CNTN5: variants seen among roughly 807,000 people sequenced by gnomAD.
CNTN5 encodes contactin-5.
In CNTN5, 77 loss-of-function variants were observed where a neutral mutation model predicts 129.1. The observed-to-expected ratio is 0.60, with a 90% CI of 0.50 to 0.72. The LOEUF is 0.72. Among genes scored for constraint, CNTN5 ranks in the 30% least tolerant of loss-of-function variants. CNTN5 has a pLI of 0.00. For synonymous variants in CNTN5, 509 were observed against 465.6 expected (o/e 1.09, Z -1.20); for missense variants, 1,478 against 1,328.8 (o/e 1.11, Z -1.75).
chr11:99,092,934 T>G (rs187718800), intron 1 of CNTN5, among the ~76,000 whole-genome samples: 11 of 152,198 alleles, frequency 7.2e-5, no homozygotes, highest in Admixed American at 2.6e-4. Context: ...ATTAACTGTT[T>G]AAGAAACTAA....
At chr11:99,752,457 C>T (rs931289696) in intron 3 of CNTN5, among the ~76,000 whole-genome samples, 1 of 150,180 alleles carries the variant, frequency 6.7e-6, no homozygotes, top group South Asian at 2.1e-4. Context: ...TCCAGTGTGA[C>T]TTAAAAAATG....
intron 2 of CNTN5, among the ~76,000 whole-genome samples, chr11:99,450,274 ATATATATATATGTT>A (rs1430755473): frequency 4.7e-5 from 7 of 150,030 alleles, no homozygotes; most frequent in Non-Finnish European, 1.0e-4. Context: ...ATATATATAT[ATATATATATATGTT>A]TGTGTATGTA....
At chr11:100,022,594 A>G (rs1487907120) in intron 9 of CNTN5, among the ~76,000 whole-genome samples, 1 of 152,148 alleles carries the variant, frequency 6.6e-6, no homozygotes, top group Non-Finnish European at 1.5e-5. Context: ...ATTAATTTAT[A>G]TTTGTCCATG....
At chr11:99,429,817 T>C (rs1295652820) in intron 2 of CNTN5, among the ~76,000 whole-genome samples, 2 of 152,106 alleles carry the variant, frequency 1.3e-5, no homozygotes, top group Non-Finnish European at 1.5e-5. Flanking sequence ...TACCCTTTCT[T>C]ATTTTAAACA....
At chr11:99,945,026 A>T (rs1393859655) in intron 7 of CNTN5, among the ~76,000 whole-genome samples, 1 of 152,104 alleles carries the variant, frequency 6.6e-6, no homozygotes, top group African/African-American at 2.4e-5. Flanking sequence ...GAATCGCCCA[A>T]TGTAAAATGA....
intron 8 of CNTN5, among the ~76,000 whole-genome samples, chr11:99,984,644 A>G (rs1938559491): frequency 6.6e-6 from 1 of 152,152 alleles, no homozygotes; most frequent in Non-Finnish European, 1.5e-5. Flanking sequence ...GAATTTTAGT[A>G]TGCATATGAT....
intron 3 of CNTN5, among the ~76,000 whole-genome samples, chr11:99,759,902 T>A (rs1190343968): frequency 1.3e-5 from 2 of 152,110 alleles, no homozygotes; most frequent in Non-Finnish European, 2.9e-5. Context: ...GCAATAGTCA[T>A]GTAACTGACA....
At chr11:100,309,328 C>T in intron 21 of CNTN5, 1 of 983,324 alleles carries the variant, frequency 1.0e-6, no homozygotes, top group Non-Finnish European at 1.2e-6. Flanking sequence ...CAGGCTGAAA[C>T]ATATTTTTAA....
chr11:100,288,789 A>G (rs1396093465), intron 18 of CNTN5, among the ~76,000 whole-genome samples: 1 of 152,084 alleles, frequency 6.6e-6, no homozygotes, highest in Admixed American at 6.6e-5. Flanking sequence ...AGAGACACAA[A>G]AAACCCTTCC....
intron 7 of CNTN5, among the ~76,000 whole-genome samples, chr11:99,926,024 C>T (rs10791060): frequency 4.6e-5 from 7 of 152,046 alleles, no homozygotes; most frequent in African/African-American, 1.7e-4. Context: ...TTGCCTGTAG[C>T]GAAGGAATAA....
chr11:99,374,624 C>T (rs1940046818), intron 2 of CNTN5, among the ~76,000 whole-genome samples: 1 of 152,118 alleles, frequency 6.6e-6, no homozygotes, highest in South Asian at 2.1e-4. Flanking sequence ...GCGGAGCTTA[C>T]AGCGAGTCCA....
intron 2 of CNTN5, among the ~76,000 whole-genome samples, chr11:99,394,174 G>A (rs1002513411): frequency 1.3e-5 from 2 of 151,596 alleles, no homozygotes; most frequent in Non-Finnish European, 3.0e-5. Context: ...TAGTATTATT[G>A]AATATCAACT....
chr11:99,026,282 T>TA (rs1301795367), intron 1 of CNTN5, among the ~76,000 whole-genome samples: 1 of 151,648 alleles, frequency 6.6e-6, no homozygotes, highest in Non-Finnish European at 1.5e-5. Flanking sequence ...TTTGTTATTT[T>TA]AAAACCTTCT....
chr11:99,388,130 T>C (rs1451100583), intron 2 of CNTN5, among the ~76,000 whole-genome samples: 1 of 152,094 alleles, frequency 6.6e-6, no homozygotes, highest in African/African-American at 2.4e-5. Flanking sequence ...AAAGATGCTT[T>C]CATGGCTGGA....
intron 9 of CNTN5, among the ~76,000 whole-genome samples, chr11:100,008,219 G>A (rs1000177026): frequency 5.9e-5 from 9 of 152,056 alleles, no homozygotes; most frequent in African/African-American, 2.2e-4. Context: ...GGGACACAGT[G>A]ATAATAAGTG....
chr11:100,216,115 T>C (rs1303270650), intron 15 of CNTN5, among the ~76,000 whole-genome samples: 2 of 152,268 alleles, frequency 1.3e-5, no homozygotes, highest in East Asian at 3.9e-4. Flanking sequence ...TTTTGGATTT[T>C]TCACAATACC....
chr11:99,567,994 C>G (rs990793156), intron 3 of CNTN5, among the ~76,000 whole-genome samples: 2 of 151,990 alleles, frequency 1.3e-5, no homozygotes, highest in African/African-American at 4.8e-5. Context: ...ACTAAAAAGC[C>G]AGGTTCAGCA....
intron 2 of CNTN5, among the ~76,000 whole-genome samples, chr11:99,338,641 G>T (rs955040339): frequency 6.6e-6 from 1 of 151,942 alleles, no homozygotes; most frequent in African/African-American, 2.4e-5. Flanking sequence ...TTTGGCTGAT[G>T]TGAGGCTTAA....
intron 3 of CNTN5, among the ~76,000 whole-genome samples, chr11:99,743,756 T>G (rs575569584): frequency 6.6e-6 from 1 of 152,174 alleles, no homozygotes; most frequent in South Asian, 2.1e-4. Flanking sequence ...TAAATGTAAA[T>G]AACTCCCTAA....
Sources: allele counts gnomAD v4.1 joint callset (sites outside exome capture counted in the v4.1 genomes callset), GRCh38; gene constraint gnomAD v4.1.1; transcripts MANE v1.5; gene names NCBI Gene and HGNC (gene_info 2026-07-23, HGNC 2026-07-21).